Variants in PC observed in about 807,000 individuals in gnomAD.
PC encodes pyruvate carboxylase, also known as pyruvate carboxylase, mitochondrial.
In PC, 46 loss-of-function variants were observed where a neutral mutation model predicts 107.8. That is an observed-to-expected ratio of 0.43 (90% CI 0.34 to 0.55). The LOEUF is 0.55. PC is among the 20% of genes least tolerant of loss of function. The pLI is 0.04. For missense variants in PC, 1,241 were observed against 1,643.1 expected (o/e 0.76, Z 4.23); for synonymous variants, 662 against 684.7 (o/e 0.97, Z 0.52).
At chr11:66,912,985 C>T (rs1296598941) in intron 3 of PC, among the ~76,000 whole-genome samples, 1 of 152,206 alleles carries the variant, frequency 6.6e-6, no homozygotes, top group African/African-American at 2.4e-5. Context: ...TAAGCCCCCA[C>T]CCAGCAACCC....
chr11:66,864,209 G>C (rs1030034919), intron 11 of PC, among the ~76,000 whole-genome samples: 2 of 152,384 alleles, frequency 1.3e-5, no homozygotes, highest in Non-Finnish European at 2.9e-5. Flanking sequence ...GGGCAGAGGA[G>C]GAAGGGAATG....
In PC at chr11:66,857,861, G is replaced by A. The variant is rs1482285505; in HGVS notation, c.1369-4478C>T. 4 of 1,609,672 alleles carry A rather than the reference G, an allele frequency of 2.5e-6. No homozygotes were observed. In the Middle Eastern group the frequency reaches 4.9e-4, roughly 199 times the overall value. On this transcript the variant is annotated intron_variant, in intron 12 of 22. Coordinates refer to ENST00000393960, the MANE Select transcript of PC (RefSeq NM_001040716.2). This position sits in a 1 kb window ranked among gnomAD's most constrained non-coding sequence, Gnocchi z 7.1. ...GCACCCTCTGTGCCCACCGAGGCCTGCTGTTTGTGCCGCCCAACGTGGACC... is the reference window on the plus strand; with the variant it reads ...GCACCCTCTGTGCCCACCGAGGCCTACTGTTTGTGCCGCCCAACGTGGACC...
Position 66,866,506 on chromosome 11 carries a change from C to T in PC, c.1023-157G>A, listed in dbSNP as rs71457746. On this transcript the variant is annotated intron_variant, in intron 10 of 22. Coordinates refer to ENST00000393960, the MANE Select transcript of PC (RefSeq NM_001040716.2). The surrounding 1 kb of genome is among the most constrained non-coding windows in gnomAD (Gnocchi z 5.4). The stretch of plus-strand genomic sequence containing the variant: ...AGCCTGAACAGCCGGTTCCTCCCAA[C>T]CAGTGGCTCCACCAGCCCCTGCCCT... Among the ~76,000 whole-genome samples the T allele has an allele frequency of 4.8e-3, 724 of 152,312 alleles. 3 individuals are homozygous for T. Among genetic ancestry groups the T allele is most frequent in the Middle Eastern group, 0.017 (5 of 294 alleles).
At position 66,870,350 on chromosome 11, in the gene PC, C is replaced by A. The variant is rs200478006; in HGVS notation, c.855G>T (p.Pro285=). The A allele has an allele frequency of 6.2e-7, 1 of 1,613,602 alleles. No homozygotes were observed. Among genetic ancestry groups the A allele is most frequent in the Non-Finnish European group, 8.5e-7 (1 of 1,180,008 alleles). Residue 285 remains proline (P), a synonymous_variant, in exon 9 of 23, where the codon CCG becomes CCT. Coordinates refer to ENST00000393960, the MANE Select transcript of PC (RefSeq NM_001040716.2). This position sits in a 1 kb window ranked among gnomAD's most constrained non-coding sequence, Gnocchi z 6.1. ...VEIAPAAHLD[P]QLRTRLTSDS... ...CGCTGGTGAGCCGAGTCCGAAGCTG[C>A]GGGTCCAGGTGGGCGGCGGGGGCAA... is the stretch of plus-strand genomic sequence containing the variant.
At chr11:66,952,531 A>C (rs1284486258) in intron 2 of PC, 63 bp from the exon 3 acceptor site, 1 of 152,370 alleles carries the variant, frequency 6.6e-6, no homozygotes, top group African/African-American at 2.4e-5. Context: ...AGAAAACAGG[A>C]GTGGCAAGAA....
intron 3 of PC, among the ~76,000 whole-genome samples, chr11:66,948,164 G>A (rs371490184): frequency 2.7e-5 from 4 of 150,610 alleles, no homozygotes; most frequent in South Asian, 2.1e-4. Flanking sequence ...CTATGATCAC[G>A]CCGCTATATT....
At chr11:66,889,230 G>A (rs1408612755) in intron 3 of PC, among the ~76,000 whole-genome samples, 1 of 151,986 alleles carries the variant, frequency 6.6e-6, no homozygotes, top group African/African-American at 2.4e-5. Flanking sequence ...TCCATCAAAG[G>A]AGACCACTAA....
intron 12 of PC, 108 bp from the exon 13 acceptor site, chr11:66,853,491 A>C: frequency 7.4e-7 from 1 of 1,351,878 alleles, no homozygotes; most frequent in Non-Finnish European, 1.0e-6. Flanking sequence ...CTGGGCCAGC[A>C]CAGCTTCTGG....
chr11:66,911,979 G>C (rs1227335849), intron 3 of PC, among the ~76,000 whole-genome samples: 1 of 150,754 alleles, frequency 6.6e-6, no homozygotes, highest in Non-Finnish European at 1.5e-5. Flanking sequence ...GTTGTGGTGA[G>C]CCAAAATCGC....
chr11:66,950,867 C>T (rs938692663), intron 3 of PC, among the ~76,000 whole-genome samples: 1 of 152,118 alleles, frequency 6.6e-6, no homozygotes, highest in African/African-American at 2.4e-5. Flanking sequence ...GCCCACCTCT[C>T]ATTGTAGGGA....
At chr11:66,900,829 C>T (rs889997594) in intron 3 of PC, among the ~76,000 whole-genome samples, 1 of 152,202 alleles carries the variant, frequency 6.6e-6, no homozygotes, top group African/African-American at 2.4e-5. Context: ...TTTTGGCATA[C>T]TGATCTTATG....
chr11:66,876,508 T>G (rs967446168), intron 3 of PC, among the ~76,000 whole-genome samples: 4 of 152,224 alleles, frequency 2.6e-5, no homozygotes, highest in African/African-American at 9.6e-5. Flanking sequence ...CCTTAGGGAG[T>G]GCATGCCCCA....
intron 3 of PC, among the ~76,000 whole-genome samples, chr11:66,943,521 G>A (rs1366198082): frequency 6.6e-6 from 1 of 151,560 alleles, no homozygotes; most frequent in Non-Finnish European, 1.5e-5. Flanking sequence ...CGGATCATGA[G>A]GATCATGAGG....
At chr11:66,896,792 T>G (rs1053073388) in intron 3 of PC, among the ~76,000 whole-genome samples, 3 of 152,214 alleles carry the variant, frequency 2.0e-5, no homozygotes, top group Admixed American at 6.5e-5. Context: ...TCTGCCTAGA[T>G]GAGAAGCGTC....
intron 10 of PC, among the ~76,000 whole-genome samples, chr11:66,867,974 C>T (rs1489804802): frequency 2.6e-5 from 4 of 152,236 alleles, no homozygotes; most frequent in Admixed American, 6.5e-5. Flanking sequence ...CCCAAAGCAG[C>T]GTCAAGAAAT....
intron 3 of PC, among the ~76,000 whole-genome samples, chr11:66,940,243 G>T (rs1949098144): frequency 6.7e-6 from 1 of 149,430 alleles, no homozygotes; most frequent in Non-Finnish European, 1.5e-5. Flanking sequence ...CTGTTGTCCA[G>T]GCTGGAATGC....
intron 10 of PC, among the ~76,000 whole-genome samples, chr11:66,868,541 G>A (rs956349947): frequency 6.6e-6 from 1 of 152,214 alleles, no homozygotes; most frequent in Admixed American, 6.5e-5. Context: ...CTCTCCAAAT[G>A]TCTCTGAGCC....
chr11:66,857,593 C>T lies in PC; in HGVS notation c.1369-4210G>A. Reference sequence around the variant, plus strand: ...GGCCCTGCAGGCCCCAACCTTCCCTCATCTCTGGCGGCCCTCTTGGGCCTC... The same window carrying T: ...GGCCCTGCAGGCCCCAACCTTCCCTTATCTCTGGCGGCCCTCTTGGGCCTC... On this transcript the variant is annotated intron_variant, in intron 12 of 22. Coordinates refer to ENST00000393960, the MANE Select transcript of PC (RefSeq NM_001040716.2). This position sits in a 1 kb window ranked among gnomAD's most constrained non-coding sequence, Gnocchi z 7.1. 2.5e-6 allele frequency: 2 copies of T among 785,180 alleles called. No homozygotes were observed. Among genetic ancestry groups the T allele is most frequent in the Non-Finnish European group, 3.9e-6 (2 of 507,674 alleles). The allele number at this position is 785,180 out of a possible 1,614,324, so 48.6% of individuals were successfully genotyped here. A position where few individuals can be genotyped will look rare whatever the true frequency, so the allele number is the denominator to read the frequency against.
chr11:66,945,762 A>C (rs1462619861), intron 3 of PC, among the ~76,000 whole-genome samples: 1 of 118,482 alleles, frequency 8.4e-6, no homozygotes, highest in Non-Finnish European at 1.9e-5. Context: ...CAAGGCTAGG[A>C]AAATAAAAAC....
Sources: gnomAD v4.1 joint callset for allele counts (sites outside exome capture counted in the v4.1 genomes callset) on GRCh38, gnomAD v4.1.1 for gene constraint, Gnocchi (gnomAD v3.1) non-coding constraint, MANE v1.5 for transcripts, NCBI Gene and HGNC (gene_info 2026-07-23, HGNC 2026-07-21) for gene names.